Variants in NHLRC2 observed in about 807,000 individuals in gnomAD.
The protein encoded by NHLRC2 is NHL repeat-containing protein 2.
A neutral mutation model predicts 68.1 loss-of-function variants in NHLRC2; 33 were observed. The ratio of observed to expected loss-of-function variants is 0.48; its 90% confidence interval spans 0.37 to 0.65. The LOEUF (loss-of-function observed/expected upper bound fraction) is 0.65. Ranked by LOEUF, NHLRC2 falls within the 30% of genes least tolerant of loss-of-function variation. The pLI, the probability that NHLRC2 is intolerant of heterozygous loss-of-function variation, is 0.00. For missense variants in NHLRC2, 761 were observed against 853.8 expected, an observed-to-expected ratio of 0.89 and a Z score of 1.35; for synonymous variants, 311 against 309.6, an observed-to-expected ratio of 1.00 and a Z score of -0.05.
intron 6 of NHLRC2, among the ~76,000 whole-genome samples, chr10:113,900,927 CA>C (rs1251926671): frequency 1.3e-5 from 2 of 152,134 alleles, no homozygotes; most frequent in African/African-American, 4.8e-5. Context: ...CTCAACACAA[CA>C]CACTACCATG....
At position 113,911,177 on chromosome 10, in the gene NHLRC2, A is replaced by G. The variant is rs1846324894; in HGVS notation, c.*2641A>G. 1 of 152,114 alleles carries G rather than the reference A, an allele frequency of 6.6e-6. No homozygotes were observed. The highest frequency in any genetic ancestry group is 1.5e-5 in the Non-Finnish European group (1 of 67,970). The allele number at this position is 152,114 out of a possible 1,614,324, so 9.4% of individuals were successfully genotyped here. ...TGTGGTATTACACACATTTTATATA[A>G]TACCTGGAATCTTTGCCCTAAATTA... On this transcript the variant is annotated 3_prime_UTR_variant, in exon 11 of 11. Transcript: ENST00000369301.
rs1435424364 is a variant in NHLRC2, at chr10:113,898,252, TG to T, written c.1139+44del. 10 of 1,290,060 alleles carry T rather than the reference TG, an allele frequency of 7.8e-6. No homozygotes were observed. In the East Asian group the frequency reaches 2.3e-4, roughly 30 times the overall value. 79.9% of individuals were successfully genotyped at this position (1,290,060 alleles called of 1,614,324 possible). On this transcript the variant is annotated intron_variant, in intron 6 of 10. Transcript: ENST00000369301. ...TCTTTGAGTAGACTGTACTACTTGG[TG>T]TTCATATAATTTCTTTTTTCAAAAT...
chr10:113,895,228 C>CT (rs1564857343), intron 5 of NHLRC2, among the ~76,000 whole-genome samples: 1 of 151,908 alleles, frequency 6.6e-6, no homozygotes, highest in African/African-American at 2.4e-5. Flanking sequence ...GGCTTTTTTT[C>CT]TTTTTTTGTG....
At chr10:113,874,486 G>A (rs942063023) in intron 2 of NHLRC2, among the ~76,000 whole-genome samples, 1 of 138,798 alleles carries the variant, frequency 7.2e-6, no homozygotes, top group African/African-American at 2.8e-5. Context: ...GTGTGTGTGT[G>A]TGTGTGTGTT....
At chr10:113,906,930 T>C (rs1480077892) in intron 10 of NHLRC2, among the ~76,000 whole-genome samples, 1 of 152,226 alleles carries the variant, frequency 6.6e-6, no homozygotes, top group African/African-American at 2.4e-5. Flanking sequence ...GAGCTCGCAG[T>C]GAGCCAAGCT....
Position 113,905,026 on chromosome 10 carries a change from A to G in NHLRC2, c.1914A>G (p.Leu638=), listed in dbSNP as rs371334266. 3.3e-6 allele frequency: 5 copies of G among 1,509,046 alleles called. No individual in the cohort carries two copies. In the African/African-American group the frequency reaches 4.2e-5, roughly 13 times the overall value. The allele number at this position is 1,509,046 out of a possible 1,614,324, so 93.5% of individuals were successfully genotyped here. ...AAGGAGTATCCAGTTGCTGGTTTCT[A>G]ACAGCTGAAGGTATGAGTATAAGCT... is the stretch of plus-strand genomic sequence containing the variant. ...LTEGVSSCWF[L]TAEGNEWLLQ... Residue 638 remains leucine, a synonymous_variant, in exon 10 of 11, where the codon CTA becomes CTG. Coordinates refer to ENST00000369301, the MANE Select transcript of NHLRC2 (RefSeq NM_198514.4).
In NHLRC2 at chr10:113,910,345, C is replaced by G. The variant is rs1006953905; in HGVS notation, c.*1809C>G. 1 of 152,116 alleles carries G rather than the reference C, an allele frequency of 6.6e-6. No individual in the cohort carries two copies. Among genetic ancestry groups the G allele is most frequent in the African/African-American group, 2.4e-5 (1 of 41,382 alleles). 9.4% of individuals were successfully genotyped at this position (152,116 alleles called of 1,614,324 possible). ...CCTCCCAAGTAGCTGGGATTACAGG[C>G]GTACACCACCATGCCCAGCTAATTT... On this transcript the variant is annotated 3_prime_UTR_variant, in exon 11 of 11. Transcript: ENST00000369301.
At chr10:113,881,866 C>T (rs944065249) in intron 4 of NHLRC2, among the ~76,000 whole-genome samples, 1 of 151,802 alleles carries the variant, frequency 6.6e-6, no homozygotes, top group Non-Finnish European at 1.5e-5. Flanking sequence ...TCCCTGTCCC[C>T]TCCCATCCCT....
At chr10:113,875,323 TAAA>T (rs1325663242) in intron 2 of NHLRC2, among the ~76,000 whole-genome samples, 3 of 152,186 alleles carry the variant, frequency 2.0e-5, no homozygotes, top group Non-Finnish European at 4.4e-5. Context: ...CTACACTTTT[TAAA>T]ATCTGTTCCC....
intron 5 of NHLRC2, among the ~76,000 whole-genome samples, chr10:113,889,107 A>G (rs958344778): frequency 3.9e-5 from 6 of 152,108 alleles, no homozygotes; most frequent in South Asian, 4.1e-4. Context: ...GATTACAGGT[A>G]TGAGCCACTG....
chr10:113,905,259 G>A (rs1846266267), intron 10 of NHLRC2, among the ~76,000 whole-genome samples: 1 of 152,168 alleles, frequency 6.6e-6, no homozygotes, highest in Non-Finnish European at 1.5e-5. Context: ...AAAGTTACAA[G>A]TCAGTTGTTA....
rs1846019481 is a variant in NHLRC2 at position 113,879,671 on chromosome 10, C to T, written c.885C>T (p.Asp295=). 4.6e-6 allele frequency: 7 copies of T among 1,513,032 alleles called. No homozygotes were observed. The highest frequency in any genetic ancestry group is 6.3e-6 in the Non-Finnish European group (7 of 1,108,180). 93.7% of individuals were successfully genotyped at this position (1,513,032 alleles called of 1,614,324 possible). Reference sequence around the variant, plus strand: ...TGAATAATATCATATATGTGGCAGACACTGAAAACCACCTTATAAGAAAGG... The same window carrying T: ...TGAATAATATCATATATGTGGCAGATACTGAAAACCACCTTATAAGAAAGG... ...AIMNNIIYVA[D]TENHLIRKID... Residue 295 remains aspartate (D), a synonymous_variant, in exon 4 of 11, where the codon GAC becomes GAT. Transcript: ENST00000369301.
chr10:113,854,922 C>G lies in NHLRC2; in HGVS notation c.50C>G (p.Ala17Gly). The G allele has an allele frequency of 3.9e-6, 6 of 1,553,744 alleles. No individual in the cohort carries two copies. Among genetic ancestry groups the G allele is most frequent in the Non-Finnish European group, 5.2e-6 (6 of 1,148,308 alleles). ...CGCAGCCTCTCCGGCCTGCTCCCCG[C>G]GCAGACCTCGCTAGAGTACGCCCTG... ...RGRSLSGLLP[A>G]QTSLEYALLD... Residue 17 changes from alanine (A) to glycine (G), a missense_variant, in exon 1 of 11, where the codon GCG becomes GGG. By Grantham distance (60) the Ala-to-Gly change is moderately conservative. Coordinates refer to ENST00000369301, the MANE Select transcript of NHLRC2 (RefSeq NM_198514.4).
chr10:113,855,077 C>A (rs1160548124), intron 1 of NHLRC2, 27 bp downstream of exon 1: 2 of 1,540,230 alleles, frequency 1.3e-6, no homozygotes, highest in Non-Finnish European at 1.8e-6. Flanking sequence ...GGGGTGGGGG[C>A]CCCTCCCGGC....
At chr10:113,897,575 T>C (rs1164084375) in intron 5 of NHLRC2, among the ~76,000 whole-genome samples, 4 of 152,318 alleles carry the variant, frequency 2.6e-5, no homozygotes, top group African/African-American at 7.2e-5. Flanking sequence ...ATATGTAACA[T>C]AACAGAATAT....
chr10:113,877,017 A>G (rs748274563), intron 3 of NHLRC2, 41 bp downstream of exon 3: 42 of 1,208,970 alleles, frequency 3.5e-5, no homozygotes, highest in African/African-American at 1.5e-5. Context: ...CGTGTTTTAC[A>G]GTAAAAAAAT....
chr10:113,883,003 T>C lies in NHLRC2; in HGVS notation c.910-1248T>C, dbSNP rs114634393. 2.7e-3 allele frequency among the ~76,000 whole-genome samples: 412 copies of C among 151,940 alleles called. 2 individuals are homozygous for C. Among genetic ancestry groups the C allele is most frequent in the African/African-American group, 9.7e-3 (401 of 41,544 alleles). On this transcript the variant is annotated intron_variant, in intron 4 of 10. Coordinates refer to ENST00000369301, the MANE Select transcript of NHLRC2 (RefSeq NM_198514.4). ...TTGTTAAAAATTAGTTGATCATAGA[T>C]GTATGGACCCATTGATCTCTCTGTC...
chr10:113,899,204 C>A (rs1846206958), intron 6 of NHLRC2, among the ~76,000 whole-genome samples: 1 of 152,090 alleles, frequency 6.6e-6, no homozygotes, highest in Non-Finnish European at 1.5e-5. Flanking sequence ...GGAAAGGATC[C>A]TCTCCCATTC....
Position 113,910,057 on chromosome 10 carries a change from A to T in NHLRC2, c.*1521A>T, listed in dbSNP as rs888078259. On this transcript the variant is annotated 3_prime_UTR_variant, in exon 11 of 11. Transcript: ENST00000369301. ...TGAAGCTACTTTTAAAGAGAAATATAGATATAAAATTAAAAGGAATCCTGT... is the reference window on the plus strand; with the variant it reads ...TGAAGCTACTTTTAAAGAGAAATATTGATATAAAATTAAAAGGAATCCTGT... 6.6e-6 allele frequency: 1 copy of T among 152,228 alleles called. No homozygotes were observed. Among genetic ancestry groups the T allele is most frequent in the African/African-American group, 2.4e-5 (1 of 41,458 alleles). 9.4% of individuals were successfully genotyped at this position (152,228 alleles called of 1,614,324 possible). A position where few individuals can be genotyped will look rare whatever the true frequency, so the allele number is the denominator to read the frequency against.
Sources: allele counts gnomAD v4.1 joint callset (sites outside exome capture counted in the v4.1 genomes callset), GRCh38; gene constraint gnomAD v4.1.1; transcripts MANE v1.5; gene names NCBI Gene and HGNC (gene_info 2026-07-23, HGNC 2026-07-21).